DCAF8L2: variants seen among roughly 807,000 people sequenced by gnomAD.
DCAF8L2 encodes DDB1 and CUL4 associated factor 8 like 2.
For missense variants in DCAF8L2, 430 were observed against 490.7 expected, an observed-to-expected ratio of 0.88 and a Z score of 1.17; for synonymous variants, 200 against 190.9, an observed-to-expected ratio of 1.05 and a Z score of -0.39.
intron 1 of DCAF8L2, among the ~76,000 whole-genome samples, chrX:27,608,785 C>A (rs1323540811): frequency 9.1e-6 from 1 of 110,184 alleles, no homozygotes; most frequent in African/African-American, 3.3e-5. Flanking sequence ...CTATTCCAGC[C>A]TTTCACAGAG....
chrX:27,602,618 A>G (rs1926700233), intron 1 of DCAF8L2, among the ~76,000 whole-genome samples: 1 of 111,509 alleles, frequency 9.0e-6, no homozygotes, highest in South Asian at 3.7e-4. Flanking sequence ...TCCTAAAAAA[A>G]GAGTTGTATG....
the DCAF8L2 span, among the ~76,000 whole-genome samples, chrX:27,494,622 T>C: frequency 9.0e-6 from 1 of 111,703 alleles, no homozygotes; most frequent in Non-Finnish European, 1.9e-5. Context: ...AGTATGTGCA[T>C]GTGTGCTTTT....
At chrX:27,605,997 C>T (rs1926846279) in intron 1 of DCAF8L2, among the ~76,000 whole-genome samples, 1 of 108,123 alleles carries the variant, frequency 9.2e-6, no homozygotes, top group East Asian at 2.9e-4. Context: ...GGTACCACTT[C>T]CTTGAGGGAA....
chrX:27,742,472 G>A (rs1254003711), intron 4 of DCAF8L2, among the ~76,000 whole-genome samples: 2 of 109,844 alleles, frequency 1.8e-5, no homozygotes, highest in African/African-American at 3.3e-5. Flanking sequence ...GGGAGACTGA[G>A]GCAGGAGAAT....
At chrX:27,622,293 C>CTGGT (rs1322553063) in intron 1 of DCAF8L2, among the ~76,000 whole-genome samples, 1 of 95,663 alleles carries the variant, frequency 1.0e-5, no homozygotes, top group South Asian at 4.1e-4. Flanking sequence ...GGCGTAGTGG[C>CTGGT]GGACACCTGT....
At chrX:27,563,088 C>T in the DCAF8L2 span, among the ~76,000 whole-genome samples, 3,641 of 111,299 alleles carry the variant, frequency 0.033, 153 homozygotes, top group African/African-American at 0.11. Flanking sequence ...CGGTTATATT[C>T]TTATTTGCAT....
chrX:27,571,788 T>A, the DCAF8L2 span, among the ~76,000 whole-genome samples: 1 of 111,388 alleles, frequency 9.0e-6, no homozygotes, highest in Non-Finnish European at 1.9e-5. Context: ...GGAAAACACA[T>A]GCAAAGACTA....
the DCAF8L2 span, among the ~76,000 whole-genome samples, chrX:27,470,374 G>A: frequency 8.9e-6 from 1 of 111,764 alleles, no homozygotes; most frequent in African/African-American, 3.3e-5. Context: ...AGCTTTCATA[G>A]AGAAAGTTCC....
chrX:27,687,973 T>G (rs1240767605), intron 3 of DCAF8L2, among the ~76,000 whole-genome samples: 1 of 112,258 alleles, frequency 8.9e-6, no homozygotes, highest in East Asian at 2.8e-4. Flanking sequence ...AAGAATTTTT[T>G]TAAATACTGA....
chrX:27,620,002 A>T (rs1356093229), intron 1 of DCAF8L2, among the ~76,000 whole-genome samples: 14 of 111,970 alleles, frequency 1.3e-4, no homozygotes, highest in African/African-American at 4.5e-4. Flanking sequence ...GACATGAAAA[A>T]TTTCGAATTT....
the DCAF8L2 span, among the ~76,000 whole-genome samples, chrX:27,576,822 T>C: frequency 1.8e-5 from 2 of 112,019 alleles, no homozygotes; most frequent in African/African-American, 6.5e-5. Context: ...AAATAAACTG[T>C]CCATTATGAG....
At chrX:27,566,162 A>C in the DCAF8L2 span, among the ~76,000 whole-genome samples, 5 of 95,639 alleles carry the variant, frequency 5.2e-5, no homozygotes, top group African/African-American at 1.9e-4. Context: ...GAGTATGCCC[A>C]AAAAAGGAAA....
the DCAF8L2 span, among the ~76,000 whole-genome samples, chrX:27,555,152 G>C: frequency 9.0e-6 from 1 of 111,503 alleles, no homozygotes; most frequent in Non-Finnish European, 1.9e-5. Context: ...GCTGTAACTG[G>C]GCATTCACTT....
chrX:27,493,058 C>T, the DCAF8L2 span, among the ~76,000 whole-genome samples: 2 of 110,109 alleles, frequency 1.8e-5, no homozygotes, highest in South Asian at 7.8e-4. Context: ...ATAGTGAAAC[C>T]CTGTCTGCAC....
intron 2 of DCAF8L2, among the ~76,000 whole-genome samples, chrX:27,674,571 A>C (rs1930076022): frequency 9.0e-6 from 1 of 111,228 alleles, no homozygotes; most frequent in Non-Finnish European, 1.9e-5. Flanking sequence ...TCATGTTCAG[A>C]GAGCATGAAG....
chrX:27,500,017 T>C, the DCAF8L2 span, among the ~76,000 whole-genome samples: 2 of 112,116 alleles, frequency 1.8e-5, no homozygotes, highest in Non-Finnish European at 3.8e-5. Context: ...GTGCTTTTGA[T>C]ACCATATGCA....
Position 27,648,512 on chromosome X carries a change from A to T in DCAF8L2, c.-220+16512A>T, listed in dbSNP as rs751593299. ...TTCCTAGTTAAGCAAACATATATAT[A>T]TATGTATTATTTATATATATATATA... On this transcript the variant is annotated intron_variant, in intron 2 of 4. Coordinates refer to ENST00000451261, the MANE Select transcript of DCAF8L2 (RefSeq NM_001353450.2). Among the ~76,000 whole-genome samples, 9 of 76,819 alleles carry T rather than the reference A, an allele frequency of 1.2e-4. No individual in the cohort carries two copies. In the South Asian group the frequency reaches 3.9e-3, roughly 34 times the overall value. The allele number at this position is 76,819 out of a possible 115,157, so 66.7% of individuals were successfully genotyped here. A position where few individuals can be genotyped will look rare whatever the true frequency, so the allele number is the denominator to read the frequency against.
chrX:27,521,748 A>G, the DCAF8L2 span, among the ~76,000 whole-genome samples: 1 of 111,725 alleles, frequency 9.0e-6, no homozygotes, highest in Non-Finnish European at 1.9e-5. Context: ...TTTCACAAAA[A>G]CCTCTAAAAA....
At position 27,746,955 on chromosome X, in the gene DCAF8L2, C is replaced by A. The variant is rs62623432; in HGVS notation, c.60C>A (p.Phe20Leu). Reference protein sequence around the residue: ...GLPDLGTESLFSSPEEQSGAV... With the variant: ...GLPDLGTESLLSSPEEQSGAV... ...CAGACTTAGGGACTGAAAGCCTGTT[C>A]AGCAGCCCAGAGGAGCAGTCTGGAG... The change falls in exon 5 of 5, where the codon TTC (phenylalanine) becomes TTA (leucine). Residue 20 changes from phenylalanine to leucine, a missense_variant. By Grantham distance (22) the Phe-to-Leu change is conservative (BLOSUM62 0). Coordinates refer to ENST00000451261, the MANE Select transcript of DCAF8L2 (RefSeq NM_001353450.2). 2,413 of 1,202,389 alleles carry A rather than the reference C, an allele frequency of 2.0e-3. 34 individuals are homozygous for A. In the African/African-American group the frequency reaches 0.038, roughly 19 times the overall value.
Sources: allele counts gnomAD v4.1 joint callset (sites outside exome capture counted in the v4.1 genomes callset), GRCh38; gene constraint gnomAD v4.1.1; transcripts MANE v1.5; gene names NCBI Gene and HGNC (gene_info 2026-07-23, HGNC 2026-07-21).